Variants in DSCAML1 observed in about 807,000 individuals in gnomAD.
DSCAML1 encodes cell adhesion molecule DSCAML1.
A neutral mutation model predicts 200.5 loss-of-function variants in DSCAML1; 38 were observed. The observed-to-expected ratio is 0.19, with a 90% confidence interval of 0.15 to 0.25. DSCAML1 has a LOEUF of 0.25. DSCAML1 is among the 10% of genes least tolerant of loss of function. The pLI is 1.00. For synonymous variants in DSCAML1, 1,215 were observed against 1,165.0 expected, an observed-to-expected ratio of 1.04 and a Z score of -0.87; for missense variants, 2,223 against 2,858.8, an observed-to-expected ratio of 0.78 and a Z score of 5.07.
At chr11:117,435,589 A>G (rs2047898706) in intron 27 of DSCAML1, 55 bp downstream of exon 27, 8 of 1,535,354 alleles carry the variant, frequency 5.2e-6, no homozygotes, top group African/African-American at 1.4e-5. Flanking sequence ...GGGGGGGGAC[A>G]ATGTGGCTGA....
intron 3 of DSCAML1, among the ~76,000 whole-genome samples, chr11:117,643,013 C>T (rs553424521): frequency 3.3e-5 from 5 of 152,338 alleles, no homozygotes; most frequent in East Asian, 3.9e-4. Context: ...TTTAACCCTC[C>T]GCCTGCAGGG....
chr11:117,586,342 C>T (rs1280876426), intron 3 of DSCAML1, among the ~76,000 whole-genome samples: 1 of 152,246 alleles, frequency 6.6e-6, no homozygotes, highest in Non-Finnish European at 1.5e-5. Flanking sequence ...GCGCATGTAA[C>T]AGCTGATCCT....
chr11:117,777,420 T>C (rs1352302511), intron 2 of DSCAML1, among the ~76,000 whole-genome samples: 3 of 152,188 alleles, frequency 2.0e-5, no homozygotes, highest in Admixed American at 6.5e-5. Context: ...ACAGTGACCA[T>C]AATGCACCCA....
chr11:117,548,630 C>T (rs1257431639), intron 3 of DSCAML1, among the ~76,000 whole-genome samples: 1 of 152,238 alleles, frequency 6.6e-6, no homozygotes, highest in South Asian at 2.1e-4. Flanking sequence ...AGTGATATAT[C>T]AGTATCACTC....
rs1389814102 is a variant in DSCAML1, at chr11:117,642,742, G to T, written c.512-110220C>A. Among the ~76,000 whole-genome samples the T allele has an allele frequency of 6.6e-6, 1 of 152,268 alleles. No homozygotes were observed. Among genetic ancestry groups the T allele is most frequent in the East Asian group, 1.9e-4 (1 of 5,170 alleles). On this transcript the variant is annotated intron_variant, in intron 3 of 32. Transcript: ENST00000651296. This position sits in a 1 kb window ranked among gnomAD's most constrained non-coding sequence, Gnocchi z 4.1. ...CAGATGAAGACGTCAGACTGGCGGG[G>T]CTGAGAAACACCCCTGGTGATTCCC...
chr11:117,588,834 C>G, intron 3 of DSCAML1, among the ~76,000 whole-genome samples: 1 of 152,170 alleles, frequency 6.6e-6, no homozygotes, highest in East Asian at 1.9e-4. Context: ...CTAAGCCACC[C>G]CTCCCTGCCT....
At chr11:117,584,014 C>A (rs114692131) in intron 3 of DSCAML1, among the ~76,000 whole-genome samples, 1 of 152,224 alleles carries the variant, frequency 6.6e-6, no homozygotes, top group Non-Finnish European at 1.5e-5. Flanking sequence ...CATCTCCTCA[C>A]GGCCAAAGGC....
intron 14 of DSCAML1, among the ~76,000 whole-genome samples, chr11:117,479,237 T>C (rs1255309372): frequency 1.3e-5 from 2 of 152,184 alleles, no homozygotes; most frequent in Non-Finnish European, 2.9e-5. Context: ...GTCTGGAAGC[T>C]TCAGGAGAAA....
chr11:117,681,914 T>C (rs1251026611), intron 3 of DSCAML1, among the ~76,000 whole-genome samples: 2 of 152,196 alleles, frequency 1.3e-5, no homozygotes, highest in Non-Finnish European at 2.9e-5. Context: ...CCTAACTGGT[T>C]GCCCTGTCCC....
chr11:117,747,615 A>C (rs1409445480), intron 3 of DSCAML1, among the ~76,000 whole-genome samples: 1 of 152,224 alleles, frequency 6.6e-6, no homozygotes, highest in Non-Finnish European at 1.5e-5. Flanking sequence ...GGTCTGGCAC[A>C]CCATGGCAGC....
intron 3 of DSCAML1, among the ~76,000 whole-genome samples, chr11:117,695,315 C>CTTTTTTTTTTTTT (rs753748981): frequency 5.1e-4 from 59 of 116,696 alleles, no homozygotes; most frequent in Non-Finnish European, 7.2e-4. Flanking sequence ...CTTTCTTTTT[C>CTTTTTTTTTTTTT]TTTTTTTTTT....
chr11:117,559,274 G>A (rs1384052254), intron 3 of DSCAML1, among the ~76,000 whole-genome samples: 2 of 152,166 alleles, frequency 1.3e-5, no homozygotes, highest in Non-Finnish European at 2.9e-5. Flanking sequence ...ACTCCAGCCG[G>A]TCTTTCTGAG....
At chr11:117,551,232 C>T (rs1425221003) in intron 3 of DSCAML1, among the ~76,000 whole-genome samples, 2 of 152,186 alleles carry the variant, frequency 1.3e-5, no homozygotes, top group East Asian at 1.9e-4. Flanking sequence ...GGGGATATAC[C>T]TCAGGGTTGA....
intron 3 of DSCAML1, among the ~76,000 whole-genome samples, chr11:117,655,128 G>A (rs1240606033): frequency 3.9e-5 from 6 of 152,166 alleles, no homozygotes; most frequent in Admixed American, 1.3e-4. Flanking sequence ...CAGCTCACAC[G>A]CAGGTCTGCA....
In DSCAML1 at chr11:117,739,236, A is replaced by ACAGGCTACC. The variant is rs1481929239; in HGVS notation, c.511+37546_511+37554dup. ...CTCCTGGTCTCCTGACTCCCACTGCACAGGCTACCATGAAAGATTTCCTAG... is the reference window on the plus strand; with the variant it reads ...CTCCTGGTCTCCTGACTCCCACTGCACAGGCTACCCAGGCTACCATGAAAGATTTCCTAG... On this transcript the variant is annotated intron_variant, in intron 3 of 32. Coordinates refer to ENST00000651296, the MANE Select transcript of DSCAML1 (RefSeq NM_020693.4). Among the ~76,000 whole-genome samples the ACAGGCTACC allele has an allele frequency of 4.6e-5, 7 of 152,308 alleles. No individual in the cohort carries two copies. The East Asian group carries it at 1.4e-3, about 29-fold the overall frequency.
chr11:117,730,303 G>A (rs60044901), intron 3 of DSCAML1, among the ~76,000 whole-genome samples: 1 of 152,038 alleles, frequency 6.6e-6, no homozygotes, highest in East Asian at 1.9e-4. Context: ...AGCTGGAGGG[G>A]GCCAGGAGTC....
intron 22 of DSCAML1, 109 bp downstream of exon 22, chr11:117,439,710 G>T: frequency 9.2e-7 from 1 of 1,090,774 alleles, no homozygotes; most frequent in African/African-American, 1.5e-5. Context: ...CTGCAGGCCT[G>T]GAGGCAACCG....
chr11:117,751,393 T>C (rs1450867714), intron 3 of DSCAML1, among the ~76,000 whole-genome samples: 1 of 149,758 alleles, frequency 6.7e-6, no homozygotes, highest in Non-Finnish European at 1.5e-5. Flanking sequence ...CACACCTTTT[T>C]TCTTTTTTTT....
intron 21 of DSCAML1, among the ~76,000 whole-genome samples, chr11:117,442,331 ATAGT>A (rs1383768253): frequency 2.9e-5 from 4 of 140,128 alleles, no homozygotes; most frequent in African/African-American, 1.1e-4. Context: ...ATTAGTGTGT[ATAGT>A]GTGTATGTGT....
Sources: allele counts gnomAD v4.1 joint callset (sites outside exome capture counted in the v4.1 genomes callset), GRCh38; gene constraint gnomAD v4.1.1; non-coding constraint Gnocchi (gnomAD v3.1); transcripts MANE v1.5; gene names NCBI Gene and HGNC (gene_info 2026-07-23, HGNC 2026-07-21).